Variants in TBC1D5 observed in about 807,000 individuals in gnomAD.
TBC1D5 encodes the protein TBC1 domain family, member 5.
TBC1D5 carries 75 observed loss-of-function variants against 100.3 expected under a neutral mutation model. The ratio of observed to expected loss-of-function variants is 0.75; its 90% confidence interval spans 0.62 to 0.91. TBC1D5 has a LOEUF of 0.91. Among genes scored for constraint, TBC1D5 ranks in the 40% least tolerant of loss-of-function variants. The pLI, the probability that TBC1D5 is intolerant of heterozygous loss-of-function variation, is 0.00. For missense variants in TBC1D5, 910 were observed against 942.4 expected, an observed-to-expected ratio of 0.97 and a Z score of 0.45; for synonymous variants, 323 against 325.6, an observed-to-expected ratio of 0.99 and a Z score of 0.09.
intron 19 of TBC1D5, among the ~76,000 whole-genome samples, chr3:17,176,940 C>T (rs144445324): frequency 3.1e-4 from 47 of 152,256 alleles, no homozygotes; most frequent in African/African-American, 1.1e-3. Context: ...AATGCTACCC[C>T]CTGTGGGAGT....
chr3:17,485,698 T>C (rs2095556687), intron 3 of TBC1D5, among the ~76,000 whole-genome samples: 1 of 152,096 alleles, frequency 6.6e-6, no homozygotes, highest in South Asian at 2.1e-4. Flanking sequence ...TGCATAGTAT[T>C]CCATGATGTA....
At chr3:17,251,139 T>C (rs1267857923) in intron 16 of TBC1D5, among the ~76,000 whole-genome samples, 4 of 152,162 alleles carry the variant, frequency 2.6e-5, no homozygotes, top group African/African-American at 9.7e-5. Flanking sequence ...TCCACTTCTA[T>C]ATGGAGCCCT....
intron 2 of TBC1D5, among the ~76,000 whole-genome samples, chr3:17,515,382 T>C (rs545683098): frequency 2.0e-5 from 3 of 152,328 alleles, no homozygotes; most frequent in South Asian, 4.1e-4. Flanking sequence ...AGTTGAAAGA[T>C]AGCCTTTTCA....
intron 2 of TBC1D5, among the ~76,000 whole-genome samples, chr3:17,518,391 T>A (rs1183143506): frequency 1.3e-5 from 2 of 152,148 alleles, no homozygotes; most frequent in African/African-American, 4.8e-5. Context: ...CGACTGAACA[T>A]GGGAGAGAAG....
chr3:17,475,833 C>A (rs1485163623), intron 3 of TBC1D5, among the ~76,000 whole-genome samples: 1 of 152,066 alleles, frequency 6.6e-6, no homozygotes, highest in Non-Finnish European at 1.5e-5. Context: ...TCTTGTAATG[C>A]CAAGTTATTT....
intron 15 of TBC1D5, among the ~76,000 whole-genome samples, chr3:17,287,172 T>C (rs1215285514): frequency 6.6e-6 from 1 of 152,190 alleles, no homozygotes; most frequent in African/African-American, 2.4e-5. Flanking sequence ...TGAACATGGG[T>C]TCCAGAAATA....
At chr3:17,301,144 T>C (rs1425361508) in intron 14 of TBC1D5, among the ~76,000 whole-genome samples, 6 of 150,110 alleles carry the variant, frequency 4.0e-5, no homozygotes, top group African/African-American at 1.5e-4. Flanking sequence ...ACAAGACAAA[T>C]AAAAGGTATG....
intron 2 of TBC1D5, among the ~76,000 whole-genome samples, chr3:17,560,368 G>C (rs2096550544): frequency 6.6e-6 from 1 of 151,874 alleles, no homozygotes; most frequent in Non-Finnish European, 1.5e-5. Context: ...CTGTAATCCT[G>C]TCACTTTGAA....
chr3:17,180,440 T>C (rs931517662), intron 19 of TBC1D5, among the ~76,000 whole-genome samples: 2 of 152,192 alleles, frequency 1.3e-5, no homozygotes, highest in Non-Finnish European at 2.9e-5. Flanking sequence ...CCTTAAATAG[T>C]ACTTGACATT....
intron 18 of TBC1D5, among the ~76,000 whole-genome samples, 186 bp from the exon 20 acceptor site, chr3:17,185,394 G>T (rs927436268): frequency 6.6e-6 from 1 of 152,066 alleles, no homozygotes; most frequent in Non-Finnish European, 1.5e-5. Context: ...AGGGTAAAAT[G>T]GAAAATTTTA....
chr3:17,659,938 C>A (rs1190814653), intron 1 of TBC1D5, among the ~76,000 whole-genome samples: 4 of 151,900 alleles, frequency 2.6e-5, no homozygotes, highest in African/African-American at 9.7e-5. Context: ...GCAAGACAAA[C>A]CACTGAGAAT....
chr3:17,417,882 A>ATT (rs35742571), intron 4 of TBC1D5, among the ~76,000 whole-genome samples: 24 of 151,154 alleles, frequency 1.6e-4, no homozygotes, highest in East Asian at 3.9e-4. Flanking sequence ...ATTTAGAAGT[A>ATT]TTTTTTTTTA....
intron 8 of TBC1D5, among the ~76,000 whole-genome samples, chr3:17,393,500 G>C (rs1179030082): frequency 1.3e-5 from 2 of 152,058 alleles, no homozygotes. Flanking sequence ...AACCAAGAAA[G>C]AGCCCATATA....
At chr3:17,513,062 G>A (rs1002241865) in intron 2 of TBC1D5, among the ~76,000 whole-genome samples, 1 of 152,134 alleles carries the variant, frequency 6.6e-6, no homozygotes, top group Non-Finnish European at 1.5e-5. Context: ...GGCCGGGCAT[G>A]GTGGCTTATG....
chr3:17,390,551 T>G (rs188443027), intron 8 of TBC1D5, among the ~76,000 whole-genome samples: 7 of 152,182 alleles, frequency 4.6e-5, no homozygotes, highest in African/African-American at 9.6e-5. Flanking sequence ...AGGAAAGCCC[T>G]TGGTGAGGGT....
intron 13 of TBC1D5, among the ~76,000 whole-genome samples, chr3:17,335,746 T>G (rs995616966): frequency 2.6e-5 from 4 of 151,928 alleles, no homozygotes; most frequent in African/African-American, 9.7e-5. Flanking sequence ...TCAGGGGGGG[T>G]TTCAGCTATT....
At chr3:17,471,157 G>A (rs1286203505) in intron 3 of TBC1D5, among the ~76,000 whole-genome samples, 1 of 152,128 alleles carries the variant, frequency 6.6e-6, no homozygotes, top group Non-Finnish European at 1.5e-5. Flanking sequence ...ATAGCTAGAT[G>A]GAATTGCAGC....
At chr3:17,640,408 T>C (rs1436962790) in intron 1 of TBC1D5, among the ~76,000 whole-genome samples, 1 of 152,134 alleles carries the variant, frequency 6.6e-6, no homozygotes, top group African/African-American at 2.4e-5. Context: ...AGATTTATTT[T>C]AATTATGATA....
At chr3:17,160,070 T>A (rs879346354) in exon 22 of TBC1D5, 1 of 152,212 alleles carries the variant, frequency 6.6e-6, no homozygotes, top group Non-Finnish European at 1.5e-5. Flanking sequence ...AAGATGTTTA[T>A]CCCATAAAGT....
Sources: gnomAD v4.1 joint callset for allele counts (sites outside exome capture counted in the v4.1 genomes callset) on GRCh38, gnomAD v4.1.1 for gene constraint, MANE v1.5 for transcripts, NCBI Gene and HGNC (gene_info 2026-07-23, HGNC 2026-07-21) for gene names.